The following SPARCL1 variants were observed in gnomAD, a reference collection of about 807,000 sequenced individuals.
SPARCL1 encodes SPARC-like protein 1.
In SPARCL1, 52 loss-of-function variants were observed where a neutral mutation model predicts 67.1. The observed-to-expected ratio is 0.78, with a 90% confidence interval of 0.62 to 0.98. SPARCL1 has a LOEUF of 0.98. Among genes scored for constraint, SPARCL1 ranks in the 50% least tolerant of loss-of-function variants. SPARCL1 has a pLI of 0.00. For synonymous variants in SPARCL1, 226 were observed against 267.8 expected (o/e 0.84, Z 1.52); for missense variants, 717 against 782.4 (o/e 0.92, Z 1.00).
intron 7 of SPARCL1, among the ~76,000 whole-genome samples, chr4:87,488,673 G>A (rs1019504706): frequency 3.9e-5 from 6 of 152,172 alleles, no homozygotes; most frequent in Non-Finnish European, 8.8e-5. Context: ...GAACATTTAA[G>A]TCTGCTCTGC....
chr4:87,474,741 CTCTTT>C (rs893943282), intron 10 of SPARCL1, among the ~76,000 whole-genome samples: 3 of 64,160 alleles, frequency 4.7e-5, no homozygotes, highest in African/African-American at 1.4e-4. Context: ...TTCTCTCTCT[CTCTTT>C]TTTTTTTTTT....
At chr4:87,521,011 C>T (rs1725791128) in intron 1 of SPARCL1, among the ~76,000 whole-genome samples, 1 of 152,162 alleles carries the variant, frequency 6.6e-6, no homozygotes, top group Non-Finnish European at 1.5e-5. Context: ...CCTACACAAA[C>T]GACCAGAATA....
chr4:87,528,822 C>A (rs965420972), intron 1 of SPARCL1, among the ~76,000 whole-genome samples: 4 of 152,128 alleles, frequency 2.6e-5, no homozygotes, highest in African/African-American at 9.7e-5. Context: ...AAATCACCAT[C>A]ATTTATTAGT....
At position 87,494,566 on chromosome 4, in the gene SPARCL1, C is replaced by T; in HGVS notation, c.234G>A (p.Glu78=). The change falls in exon 4 of 11, where the codon GAG becomes GAA. Residue 78 remains glutamate (E), a synonymous_variant. Coordinates refer to ENST00000282470, the MANE Select transcript of SPARCL1 (RefSeq NM_004684.6). ...AEKSSVLKSK[E]ESHEQSAEQG... ...GTTCTGCTGACTGTTCATGGCTTTC[C>T]TCTTTTGACTTTAGTACTGATGATT... is the stretch of plus-strand genomic sequence containing the variant. 6.2e-7 allele frequency: 1 copy of T among 1,609,842 alleles called. No homozygotes were observed. Among genetic ancestry groups the T allele is most frequent in the East Asian group, 2.2e-5 (1 of 44,848 alleles).
At chr4:87,514,740 T>C (rs1287693121) in intron 1 of SPARCL1, among the ~76,000 whole-genome samples, 4 of 152,210 alleles carry the variant, frequency 2.6e-5, no homozygotes, top group Non-Finnish European at 5.9e-5. Flanking sequence ...GCCTTTAGCT[T>C]CTTATTTTAA....
At chr4:87,503,915 A>G (rs1197128935) in intron 1 of SPARCL1, among the ~76,000 whole-genome samples, 1 of 151,930 alleles carries the variant, frequency 6.6e-6, no homozygotes. Context: ...CCTGGCCTCA[A>G]CTGGTCCACC....
At chr4:87,512,647 G>A (rs78274580) in intron 1 of SPARCL1, among the ~76,000 whole-genome samples, 8,334 of 152,172 alleles carry the variant, frequency 0.055, 740 homozygotes, top group African/African-American at 0.19. Context: ...ACTGAAGCCA[G>A]ATGAATTAAC....
chr4:87,491,671 G>A lies in SPARCL1; in HGVS notation c.1238C>T (p.Ser413Leu), dbSNP rs1724334770. The A allele has an allele frequency of 4.3e-6, 7 of 1,613,536 alleles. No individual in the cohort carries two copies. In the East Asian group the frequency reaches 1.6e-4, roughly 36 times the overall value. The change falls in exon 5 of 11, where the codon TCA becomes TTA. Residue 413 changes from serine (S) to leucine (L), a missense_variant. Transcript: ENST00000282470. ...ACTTGACGTTTCCTCCTCATTTGAT[G>A]AGTTCTCTGCTTTCTTGGCCTTTAG... ...EHQEAKKAEN[S>L]SNEEETSSEG...
At position 87,499,560 on chromosome 4, in the gene SPARCL1, A is replaced by C. The variant is rs1262311325; in HGVS notation, c.15T>G (p.Leu5=). ...CAGTTCCCAAGAGACATAGGAAAAA[A>C]AGCCCAGTCTTCATGCTTTCCAGAT... MKTG[L]FFLCLLGTAA... Residue 5 remains leucine, a synonymous_variant, in exon 2 of 11, where the codon CTT becomes CTG. Transcript: ENST00000282470. 6.3e-7 allele frequency: 1 copy of C among 1,591,682 alleles called. No individual in the cohort carries two copies.
intron 1 of SPARCL1, among the ~76,000 whole-genome samples, chr4:87,524,313 C>A (rs1226246482): frequency 6.6e-6 from 1 of 152,112 alleles, no homozygotes; most frequent in Non-Finnish European, 1.5e-5. Flanking sequence ...ATATTTGACT[C>A]ACTGGGAATT....
chr4:87,517,185 TG>T (rs1725615393), intron 1 of SPARCL1, among the ~76,000 whole-genome samples: 1 of 152,148 alleles, frequency 6.6e-6, no homozygotes, highest in Non-Finnish European at 1.5e-5. Flanking sequence ...TTGTTGTATT[TG>T]GGGTATAGAC....
At chr4:87,489,310 A>C (rs1724208950) in intron 7 of SPARCL1, among the ~76,000 whole-genome samples, 1 of 152,146 alleles carries the variant, frequency 6.6e-6, no homozygotes, top group Non-Finnish European at 1.5e-5. Context: ...CTTTCGCAGC[A>C]CAGTCCCTCA....
At chr4:87,482,611 T>C (rs1723876242) in intron 7 of SPARCL1, 51 bp from the exon 8 acceptor site, 1 of 1,604,202 alleles carries the variant, frequency 6.2e-7, no homozygotes. Flanking sequence ...TTGTGTCCTA[T>C]GGCAAGTCCT....
intron 7 of SPARCL1, among the ~76,000 whole-genome samples, chr4:87,486,684 T>C (rs1724071731): frequency 6.6e-6 from 1 of 152,026 alleles, no homozygotes; most frequent in Non-Finnish European, 1.5e-5. Flanking sequence ...ACTATTATTG[T>C]GTGGGAGTCT....
In SPARCL1 at chr4:87,529,158, C is replaced by A. The variant is rs1159070157; in HGVS notation, c.-125G>T. 1 of 152,208 alleles carries A rather than the reference C, an allele frequency of 6.6e-6. No homozygotes were observed. The highest frequency in any genetic ancestry group is 2.4e-5 in the African/African-American group (1 of 41,454). The allele number at this position is 152,208 out of a possible 1,614,324, so 9.4% of individuals were successfully genotyped here. ...AACACCCAAGAAAAACTCTTTAAAT[C>A]CCTTTCCTCGTTAGCTCTGCTTCTT... On this transcript the variant is annotated 5_prime_UTR_variant, in exon 1 of 11. Transcript: ENST00000282470.
At chr4:87,474,874 C>G (rs1312765907) in intron 10 of SPARCL1, among the ~76,000 whole-genome samples, 13 of 152,008 alleles carry the variant, frequency 8.6e-5, no homozygotes, top group Non-Finnish European at 1.8e-4. Context: ...TCCCGAGTGG[C>G]TGGGACTACA....
chr4:87,483,905 T>C (rs1723939858), intron 7 of SPARCL1, among the ~76,000 whole-genome samples: 1 of 152,238 alleles, frequency 6.6e-6, no homozygotes, highest in Admixed American at 6.5e-5. Flanking sequence ...TGTCTGTTCA[T>C]ATCCTTCACC....
chr4:87,483,214 C>A (rs1001233124), intron 7 of SPARCL1, among the ~76,000 whole-genome samples: 1 of 151,704 alleles, frequency 6.6e-6, no homozygotes, highest in African/African-American at 2.4e-5. Context: ...TTAGGTATTT[C>A]TCCTAATGCT....
At chr4:87,509,805 G>C (rs1254571259) in intron 1 of SPARCL1, among the ~76,000 whole-genome samples, 1 of 152,092 alleles carries the variant, frequency 6.6e-6, no homozygotes, top group Non-Finnish European at 1.5e-5. Context: ...GTGTATGTCT[G>C]TGTGTGTGCA....
Sources: allele counts gnomAD v4.1 joint callset (sites outside exome capture counted in the v4.1 genomes callset), GRCh38; gene constraint gnomAD v4.1.1; transcripts MANE v1.5; gene names NCBI Gene and HGNC (gene_info 2026-07-23, HGNC 2026-07-21).